ZBTB7C: variants seen among roughly 807,000 people sequenced by gnomAD.
ZBTB7C encodes zinc finger and BTB domain-containing protein 7C.
ZBTB7C carries 8 observed loss-of-function variants against 25.7 expected under a neutral mutation model. The observed-to-expected ratio is 0.31, with a 90% confidence interval of 0.18 to 0.56. The LOEUF (loss-of-function observed/expected upper bound fraction) is 0.56. Ranked by LOEUF, ZBTB7C falls within the 20% of genes least tolerant of loss-of-function variation. The pLI, the probability that ZBTB7C is intolerant of heterozygous loss-of-function variation, is 0.91. For synonymous variants in ZBTB7C, 394 were observed against 369.0 expected (o/e 1.07, Z -0.78); for missense variants, 824 against 855.2 (o/e 0.96, Z 0.46).
chr18:48,131,146 C>T (rs916958701), intron 3 of ZBTB7C, among the ~76,000 whole-genome samples: 2 of 152,220 alleles, frequency 1.3e-5, no homozygotes, highest in African/African-American at 2.4e-5. Flanking sequence ...TTAAGTGATC[C>T]GCCCGCCTCC....
At chr18:48,342,192 A>T (rs2046618269) in intron 1 of ZBTB7C, among the ~76,000 whole-genome samples, 1 of 152,220 alleles carries the variant, frequency 6.6e-6, no homozygotes, top group African/African-American at 2.4e-5. Context: ...ATGCCAGCTC[A>T]TCTGCATAAA....
intron 3 of ZBTB7C, among the ~76,000 whole-genome samples, chr18:48,123,647 G>C (rs2039703299): frequency 6.7e-6 from 1 of 149,746 alleles, no homozygotes; most frequent in African/African-American, 2.6e-5. Context: ...TTCCTGGTCG[G>C]CTGCCCAGAG....
intron 2 of ZBTB7C, among the ~76,000 whole-genome samples, chr18:48,212,455 G>A (rs1169665008): frequency 1.3e-5 from 2 of 151,986 alleles, no homozygotes; most frequent in African/African-American, 2.4e-5. Flanking sequence ...CACACTAAGA[G>A]TGAACCCTAA....
chr18:48,277,002 G>A (rs1162504550), intron 2 of ZBTB7C, among the ~76,000 whole-genome samples: 15 of 151,916 alleles, frequency 9.9e-5, no homozygotes, highest in African/African-American at 3.4e-4. Flanking sequence ...TCTAACTGGT[G>A]TGAGATGGAT....
chr18:48,207,297 A>G (rs2042597436), intron 2 of ZBTB7C, among the ~76,000 whole-genome samples: 3 of 152,240 alleles, frequency 2.0e-5, no homozygotes, highest in African/African-American at 7.2e-5. Flanking sequence ...ACAATCCAGC[A>G]AGTTCACTGT....
At chr18:48,128,013 T>C (rs2039862287) in intron 3 of ZBTB7C, among the ~76,000 whole-genome samples, 1 of 152,300 alleles carries the variant, frequency 6.6e-6, no homozygotes, top group South Asian at 2.1e-4. Flanking sequence ...GTAAGCTCCA[T>C]CTTTATGTTC....
chr18:48,389,738 C>A (rs10502892), intron 1 of ZBTB7C, among the ~76,000 whole-genome samples: 32,093 of 152,090 alleles, frequency 0.21, 4,661 homozygotes, highest in East Asian at 0.7. Context: ...ACTGGATCAA[C>A]ACTGGAAAGG....
chr18:48,197,588 T>C (rs1216915987), intron 2 of ZBTB7C, among the ~76,000 whole-genome samples: 2 of 152,206 alleles, frequency 1.3e-5, no homozygotes, highest in Non-Finnish European at 2.9e-5. Context: ...AAATCTGTCA[T>C]AGTTCTGGAG....
chr18:48,210,387 G>A (rs2145242705), intron 2 of ZBTB7C, among the ~76,000 whole-genome samples: 1 of 152,230 alleles, frequency 6.6e-6, no homozygotes, highest in Admixed American at 6.5e-5. Flanking sequence ...ATTCAAAATA[G>A]CCAAAAGTGG....
chr18:48,318,209 CAAAA>C, intron 2 of ZBTB7C, among the ~76,000 whole-genome samples: 1 of 146,256 alleles, frequency 6.8e-6, no homozygotes, highest in Non-Finnish European at 1.5e-5. Flanking sequence ...AAAAACAAAA[CAAAA>C]CAAAAAAAAA....
At chr18:48,268,911 A>C (rs2044390392) in intron 2 of ZBTB7C, among the ~76,000 whole-genome samples, 2 of 151,630 alleles carry the variant, frequency 1.3e-5, no homozygotes, top group African/African-American at 4.8e-5. Flanking sequence ...GAAGTCCAAG[A>C]TCAAGCCACC....
chr18:48,069,532 G>A (rs573235189), intron 3 of ZBTB7C, among the ~76,000 whole-genome samples: 2 of 152,302 alleles, frequency 1.3e-5, no homozygotes, highest in South Asian at 2.1e-4. Flanking sequence ...GAGCTTGAGA[G>A]CTCACAGAAC....
chr18:48,136,556 C>T (rs1352301428), intron 3 of ZBTB7C, among the ~76,000 whole-genome samples: 1 of 152,120 alleles, frequency 6.6e-6, no homozygotes, highest in African/African-American at 2.4e-5. Flanking sequence ...CTCAGGAGGA[C>T]CAAGCATTCT....
intron 1 of ZBTB7C, chr18:48,374,282 C>T (rs1018321740): frequency 5.9e-5 from 9 of 152,238 alleles, no homozygotes; most frequent in African/African-American, 2.2e-4. Flanking sequence ...ATAGAGCCCA[C>T]TTTAAAATCT....
At chr18:48,037,856 G>A (rs2036043726) in intron 4 of ZBTB7C, among the ~76,000 whole-genome samples, 1 of 152,240 alleles carries the variant, frequency 6.6e-6, no homozygotes, top group Admixed American at 6.5e-5. Flanking sequence ...GATCTGGCCT[G>A]TGAAGAGCTT....
intron 2 of ZBTB7C, among the ~76,000 whole-genome samples, chr18:48,302,019 C>A (rs1007362742): frequency 1.3e-5 from 2 of 151,958 alleles, no homozygotes; most frequent in Non-Finnish European, 2.9e-5. Context: ...TGCCACTCCC[C>A]GGCTTTTAGG....
At chr18:48,366,288 T>C (rs545576300) in intron 1 of ZBTB7C, among the ~76,000 whole-genome samples, 1 of 152,310 alleles carries the variant, frequency 6.6e-6, no homozygotes, top group South Asian at 2.1e-4. Flanking sequence ...TGAAAAAAGT[T>C]TGGATGACAT....
intron 3 of ZBTB7C, among the ~76,000 whole-genome samples, chr18:48,102,702 G>T (rs2038875227): frequency 6.6e-6 from 1 of 152,096 alleles, no homozygotes; most frequent in Admixed American, 6.6e-5. Context: ...AAAACCAGGA[G>T]ATGTGATGAG....
intron 1 of ZBTB7C, among the ~76,000 whole-genome samples, chr18:48,355,711 T>C (rs1427836119): frequency 6.6e-6 from 1 of 152,202 alleles, no homozygotes; most frequent in East Asian, 1.9e-4. Flanking sequence ...GCCTCATCCA[T>C]AGCCTCCACT....
Sources: gnomAD v4.1 joint callset for allele counts (sites outside exome capture counted in the v4.1 genomes callset) on GRCh38, gnomAD v4.1.1 for gene constraint, MANE v1.5 for transcripts, NCBI Gene and HGNC (gene_info 2026-07-23, HGNC 2026-07-21) for gene names.